EIF4G3: variants seen among roughly 807,000 people sequenced by gnomAD.
The protein encoded by EIF4G3 is eIF-4-gamma 3.
EIF4G3 carries 34 observed loss-of-function variants against 186.4 expected under a neutral mutation model. The ratio of observed to expected loss-of-function variants is 0.18; its 90% CI spans 0.14 to 0.24. The LOEUF (loss-of-function observed/expected upper bound fraction) is 0.24. EIF4G3 is among the 10% of genes least tolerant of loss of function. EIF4G3 has a pLI of 1.00. For missense variants in EIF4G3, 1,536 were observed against 1,948.5 expected, an observed-to-expected ratio of 0.79 and a Z score of 3.99; for synonymous variants, 673 against 679.5, an observed-to-expected ratio of 0.99 and a Z score of 0.15.
chr1:20,948,546 T>C (rs1310981936), intron 13 of EIF4G3, among the ~76,000 whole-genome samples: 1 of 152,010 alleles, frequency 6.6e-6, no homozygotes, highest in Non-Finnish European at 1.5e-5. Flanking sequence ...ATTTCTATAC[T>C]AAAAACACAT....
intron 30 of EIF4G3, among the ~76,000 whole-genome samples, chr1:20,836,078 G>A (rs532465840): frequency 3.9e-5 from 6 of 152,228 alleles, no homozygotes; most frequent in Non-Finnish European, 7.4e-5. Context: ...TACAAGATCA[G>A]TATGGCAATC....
chr1:21,095,483 T>C (rs2101606466), intron 2 of EIF4G3, among the ~76,000 whole-genome samples: 1 of 152,262 alleles, frequency 6.6e-6, no homozygotes, highest in South Asian at 2.1e-4. Context: ...AGCTAATCTT[T>C]AAATTTTTTG....
At chr1:20,966,830 C>T (rs933142731) in intron 12 of EIF4G3, among the ~76,000 whole-genome samples, 4 of 152,154 alleles carry the variant, frequency 2.6e-5, no homozygotes, top group Non-Finnish European at 5.9e-5. Flanking sequence ...GCTTGTGCTA[C>T]TGTTTTTCTT....
At chr1:21,054,195 T>C (rs1164651501) in intron 3 of EIF4G3, among the ~76,000 whole-genome samples, 3 of 151,864 alleles carry the variant, frequency 2.0e-5, no homozygotes, top group Non-Finnish European at 2.9e-5. Context: ...CTCTGAAACA[T>C]GTGCTGTGTC....
intron 4 of EIF4G3, among the ~76,000 whole-genome samples, chr1:21,013,226 G>C (rs987374295): frequency 1.3e-5 from 2 of 152,014 alleles, no homozygotes; most frequent in African/African-American, 4.8e-5. Context: ...AAGCAGTTAA[G>C]AATCTGCGGC....
At chr1:21,015,639 G>A (rs1015140616) in intron 4 of EIF4G3, among the ~76,000 whole-genome samples, 3 of 151,352 alleles carry the variant, frequency 2.0e-5, no homozygotes, top group East Asian at 2.0e-4. Context: ...AAAGAATTTC[G>A]AGAGCAGCAA....
Position 20,810,718 on chromosome 1 carries a change from G to GT in EIF4G3, c.4744+19dup. The GT allele has an allele frequency of 1.2e-6, 2 of 1,611,066 alleles. No individual in the cohort carries two copies. The highest frequency in any genetic ancestry group is 1.7e-6 in the Non-Finnish European group (2 of 1,177,416). On this transcript the variant is annotated intron_variant, in intron 36 of 36. Transcript: ENST00000602326. This position sits in a 1 kb window ranked among gnomAD's most constrained non-coding sequence, Gnocchi z 4.1. ...ATCTCACTCATTGGTTAGATTAACT[G>GT]TAACATGAGATAAACTTACTGGCAG...
chr1:20,919,221 T>A (rs1221322535), intron 14 of EIF4G3, among the ~76,000 whole-genome samples: 35 of 152,180 alleles, frequency 2.3e-4, no homozygotes, highest in Admixed American at 2.3e-3. Flanking sequence ...ATTTATTCTT[T>A]TCTTTTAGAC....
At chr1:21,107,904 T>G (rs559244558) in intron 2 of EIF4G3, among the ~76,000 whole-genome samples, 1 of 152,334 alleles carries the variant, frequency 6.6e-6, no homozygotes, top group African/African-American at 2.4e-5. Context: ...TCCCAGAACT[T>G]TGGGAGGCCA....
rs114563457 is a variant in EIF4G3 at position 21,062,115 on chromosome 1, G to A, written c.-195-11121C>T. Among the ~76,000 whole-genome samples, 252 of 151,990 alleles carry A rather than the reference G, an allele frequency of 1.7e-3. 1 individual carries two copies. The highest frequency in any genetic ancestry group is 5.6e-3 in the African/African-American group (233 of 41,440). On this transcript the variant is annotated intron_variant, in intron 3 of 36. Transcript: ENST00000602326. ...GCTCTGTCACTCAGGCTGAAGCATA[G>A]TAGTGCGATCATAGCCCACTGCAAC...
intron 10 of EIF4G3, among the ~76,000 whole-genome samples, chr1:20,976,084 A>G (rs540138001): frequency 6.6e-6 from 1 of 152,286 alleles, no homozygotes; most frequent in South Asian, 2.1e-4. Context: ...GATGTATTGC[A>G]AAATGAATAC....
chr1:21,065,136 G>C (rs1210821337), intron 3 of EIF4G3: 1 of 152,008 alleles, frequency 6.6e-6, no homozygotes, highest in Non-Finnish European at 1.5e-5. Flanking sequence ...TTAATTCCAA[G>C]GTATTAATAA....
intron 7 of EIF4G3, 21 bp downstream of exon 7, chr1:20,997,580 G>C (rs766548489): frequency 6.5e-7 from 1 of 1,549,560 alleles, no homozygotes; most frequent in South Asian, 1.2e-5. Context: ...GGGTGATAGT[G>C]AAGGGGCAAG....
At chr1:21,090,264 T>C (rs1435540595) in intron 2 of EIF4G3, among the ~76,000 whole-genome samples, 1 of 152,166 alleles carries the variant, frequency 6.6e-6, no homozygotes, top group Non-Finnish European at 1.5e-5. Context: ...TCTAGTAGAA[T>C]AATAACAAAA....
At chr1:20,808,008 C>G (rs1339642057) in intron 36 of EIF4G3, among the ~76,000 whole-genome samples, 3 of 151,736 alleles carry the variant, frequency 2.0e-5, no homozygotes, top group African/African-American at 7.3e-5. Flanking sequence ...CTCAGCCTCC[C>G]AAGTACCTGG....
intron 23 of EIF4G3, among the ~76,000 whole-genome samples, chr1:20,861,769 T>C (rs1362545802): frequency 1.3e-5 from 2 of 151,824 alleles, no homozygotes. Context: ...AGGTCAGGAG[T>C]TCCAGACCAG....
rs2091618794 is a variant in EIF4G3, at chr1:20,904,969, G to C, written c.1666C>G (p.Gln556Glu). ...GTCTTTGGTACAGTTATAGCTATTT[G>C]AGCTGAAATACAAGATCAGGCCCAT... ...LNSRRSPVPA[Q>E]IAITVPKTWK... The change falls in exon 15 of 37, where the codon CAA (glutamine) becomes GAA (glutamate). Residue 556 changes from glutamine (Q) to glutamate (E), a missense_variant and splice_region_variant. By Grantham distance (29) the Gln-to-Glu change is conservative. This residue lies in a region of EIF4G3 where 560 missense variants were observed against 547.8 expected (regional missense o/e 1.02). Coordinates refer to ENST00000602326, the MANE Select transcript of EIF4G3 (RefSeq NM_001391906.1). 1 of 1,612,330 alleles carries C rather than the reference G, an allele frequency of 6.2e-7. No homozygotes were observed.
intron 2 of EIF4G3, among the ~76,000 whole-genome samples, chr1:21,116,970 A>G (rs2096836448): frequency 6.6e-6 from 1 of 152,212 alleles, no homozygotes; most frequent in African/African-American, 2.4e-5. Context: ...AAAAAAATGA[A>G]AGAGAACTCT....
intron 7 of EIF4G3, among the ~76,000 whole-genome samples, chr1:20,983,394 GAC>G (rs1310788388): frequency 8.5e-5 from 13 of 152,268 alleles, no homozygotes; most frequent in African/African-American, 3.1e-4. Flanking sequence ...TATCTCCACT[GAC>G]ACAGTTTTGG....
Sources: gnomAD v4.1 joint callset for allele counts (sites outside exome capture counted in the v4.1 genomes callset) on GRCh38, gnomAD v4.1.1 for gene constraint, gnomAD v4.1.1 regional missense constraint, Gnocchi (gnomAD v3.1) non-coding constraint, MANE v1.5 for transcripts, NCBI Gene and HGNC (gene_info 2026-07-23, HGNC 2026-07-21) for gene names.